Variants in NPAS3 observed in about 807,000 individuals in gnomAD.
The protein encoded by NPAS3 is neuronal PAS domain-containing protein 3.
NPAS3 carries 14 observed loss-of-function variants against 73.1 expected under a neutral mutation model. The ratio of observed to expected loss-of-function variants is 0.19; its 90% CI spans 0.13 to 0.30. NPAS3 has a LOEUF of 0.30. NPAS3 is among the 10% of genes least tolerant of loss of function. The pLI is 1.00. For missense variants in NPAS3, 1,096 were observed against 1,250.0 expected, an observed-to-expected ratio of 0.88 and a Z score of 1.86; for synonymous variants, 620 against 541.5, an observed-to-expected ratio of 1.14 and a Z score of -2.01.
At chr14:33,135,114 T>A (rs8010236) in intron 2 of NPAS3, among the ~76,000 whole-genome samples, 144,692 of 152,302 alleles carry the variant, frequency 0.95, 68,847 homozygotes, top group Non-Finnish European at 0.98. Flanking sequence ...ATCCTGTCTA[T>A]TGTGAAAGTC....
At chr14:33,461,575 A>G (rs1298414254) in intron 4 of NPAS3, among the ~76,000 whole-genome samples, 4 of 152,190 alleles carry the variant, frequency 2.6e-5, no homozygotes, top group African/African-American at 9.7e-5. Context: ...ATGAGGGAAG[A>G]TTTCATGAAG....
chr14:33,482,092 C>A (rs1156746421), intron 4 of NPAS3, among the ~76,000 whole-genome samples: 1 of 146,344 alleles, frequency 6.8e-6, no homozygotes. Flanking sequence ...TGCAACCTCA[C>A]AAATGATGAT....
At chr14:33,444,898 A>C (rs932805149) in intron 4 of NPAS3, among the ~76,000 whole-genome samples, 1 of 152,256 alleles carries the variant, frequency 6.6e-6, no homozygotes, top group Non-Finnish European at 1.5e-5. Flanking sequence ...AGGTTCCCTC[A>C]TCATCATCTT....
chr14:33,251,711 C>T (rs1023648039), intron 3 of NPAS3, among the ~76,000 whole-genome samples: 1 of 151,962 alleles, frequency 6.6e-6, no homozygotes, highest in African/African-American at 2.4e-5. Context: ...CAACAAATAG[C>T]CTTAAAAGGT....
intron 4 of NPAS3, among the ~76,000 whole-genome samples, chr14:33,443,738 A>G (rs1192919034): frequency 1.3e-5 from 2 of 152,218 alleles, no homozygotes; most frequent in East Asian, 1.9e-4. Context: ...TTGCAGGCAA[A>G]TGTCTGAATG....
At chr14:32,943,840 C>T (rs984499166) in intron 1 of NPAS3, among the ~76,000 whole-genome samples, 1 of 152,058 alleles carries the variant, frequency 6.6e-6, no homozygotes, top group Non-Finnish European at 1.5e-5. Context: ...AGGCACATGC[C>T]AATACGCCCA....
At chr14:33,528,161 T>TTGTG (rs1044549141) in intron 4 of NPAS3, among the ~76,000 whole-genome samples, 1 of 152,038 alleles carries the variant, frequency 6.6e-6, no homozygotes, top group Non-Finnish European at 1.5e-5. Context: ...TTATCTTTTA[T>TTGTG]TGTGTGTGTG....
At chr14:33,690,044 G>C (rs1015310018) in intron 6 of NPAS3, among the ~76,000 whole-genome samples, 1 of 152,082 alleles carries the variant, frequency 6.6e-6, no homozygotes, top group Non-Finnish European at 1.5e-5. Context: ...CTTTTTATCT[G>C]GCTGGGCCAC....
intron 6 of NPAS3, among the ~76,000 whole-genome samples, chr14:33,713,083 G>A (rs7150043): frequency 0.61 from 92,758 of 151,936 alleles, 30,877 homozygotes; most frequent in Admixed American, 0.74. Flanking sequence ...GGTGTTCTTT[G>A]TCAGGAAAGC....
At chr14:33,004,029 A>G (rs1959170) in intron 1 of NPAS3, among the ~76,000 whole-genome samples, 126,800 of 152,126 alleles carry the variant, frequency 0.83, 52,908 homozygotes, top group Middle Eastern at 0.89. Flanking sequence ...TTAGTTAACC[A>G]CAGTTTTCTA....
chr14:33,513,443 T>C (rs2053154634), intron 4 of NPAS3, among the ~76,000 whole-genome samples: 1 of 152,040 alleles, frequency 6.6e-6, no homozygotes, highest in Non-Finnish European at 1.5e-5. Context: ...CTTGTATGAT[T>C]TGTTGTCTAT....
At chr14:33,604,230 T>C (rs1032494468) in intron 5 of NPAS3, among the ~76,000 whole-genome samples, 8 of 152,032 alleles carry the variant, frequency 5.3e-5, no homozygotes, top group African/African-American at 1.9e-4. Context: ...GATTGTCAGA[T>C]TATATAAGCA....
intron 5 of NPAS3, among the ~76,000 whole-genome samples, chr14:33,664,767 A>C (rs1470575752): frequency 6.6e-6 from 1 of 152,376 alleles, no homozygotes; most frequent in East Asian, 1.9e-4. Flanking sequence ...AAGGCTCAAC[A>C]TCACTGGCCA....
At chr14:33,048,310 C>G (rs1017959765) in intron 1 of NPAS3, among the ~76,000 whole-genome samples, 3 of 152,194 alleles carry the variant, frequency 2.0e-5, no homozygotes, top group African/African-American at 7.2e-5. Flanking sequence ...AGTGCTGGGG[C>G]CTACTTTCTG....
At chr14:33,593,294 A>T (rs750162604) in intron 5 of NPAS3, among the ~76,000 whole-genome samples, 9 of 152,216 alleles carry the variant, frequency 5.9e-5, no homozygotes, top group Non-Finnish European at 1.3e-4. Flanking sequence ...ATAGCTATTA[A>T]AGAGCAGTGA....
intron 5 of NPAS3, among the ~76,000 whole-genome samples, chr14:33,561,951 G>C (rs1461649009): frequency 6.6e-6 from 1 of 152,222 alleles, no homozygotes; most frequent in Non-Finnish European, 1.5e-5. Flanking sequence ...TTGCATAACA[G>C]ATGGCTCTGT....
At chr14:33,132,061 G>A (rs1055079774) in intron 2 of NPAS3, among the ~76,000 whole-genome samples, 5 of 152,208 alleles carry the variant, frequency 3.3e-5, no homozygotes, top group South Asian at 4.2e-4. Context: ...AGTGGTTCAT[G>A]TATTCATTTA....
At chr14:33,734,357 C>A (rs1282134702) in intron 6 of NPAS3, among the ~76,000 whole-genome samples, 1 of 152,064 alleles carries the variant, frequency 6.6e-6, no homozygotes, top group African/African-American at 2.4e-5. Flanking sequence ...TTTTACGTTG[C>A]CTTCTGACCT....
At chr14:33,248,629 T>C (rs2048472431) in intron 3 of NPAS3, among the ~76,000 whole-genome samples, 1 of 152,182 alleles carries the variant, frequency 6.6e-6, no homozygotes, top group Non-Finnish European at 1.5e-5. Flanking sequence ...TGGTGTGTAG[T>C]GACAGTGCAA....
Sources: gnomAD v4.1 joint callset for allele counts (sites outside exome capture counted in the v4.1 genomes callset) on GRCh38, gnomAD v4.1.1 for gene constraint, MANE v1.5 for transcripts, NCBI Gene and HGNC (gene_info 2026-07-23, HGNC 2026-07-21) for gene names.